FAM219A: variants seen among roughly 807,000 people sequenced by gnomAD.
FAM219A encodes the protein family with sequence similarity 219 member A, also known as protein FAM219A.
In FAM219A, 7 loss-of-function variants were observed where a neutral mutation model predicts 23.4. The ratio of observed to expected loss-of-function variants is 0.30; its 90% CI spans 0.17 to 0.56. The LOEUF (loss-of-function observed/expected upper bound fraction) is 0.56. Ranked by LOEUF, FAM219A falls within the 20% of genes least tolerant of loss-of-function variation. FAM219A has a pLI of 0.92. For synonymous variants in FAM219A, 93 were observed against 99.0 expected (o/e 0.94, Z 0.36); for missense variants, 166 against 246.9 (o/e 0.67, Z 2.20).
intron 5 of FAM219A, 91 bp from the exon 6 acceptor site, chr9:34,401,213 C>G (rs1588027409): frequency 1.4e-6 from 2 of 1,456,600 alleles, no homozygotes; most frequent in East Asian, 4.6e-5. Context: ...GCGCCCCAGT[C>G]CAGCCAGTGC....
intron 1 of FAM219A, among the ~76,000 whole-genome samples, chr9:34,456,151 C>T (rs1823722380): frequency 6.6e-6 from 1 of 152,152 alleles, no homozygotes; most frequent in African/African-American, 2.4e-5. Context: ...CAAGATCGTG[C>T]CACTGCACTC....
At chr9:34,419,068 C>T (rs1822148223) in intron 1 of FAM219A, among the ~76,000 whole-genome samples, 1 of 150,862 alleles carries the variant, frequency 6.6e-6, no homozygotes, top group African/African-American at 2.5e-5. Flanking sequence ...GAGCAAGACT[C>T]TGTCTCAAAC....
chr9:34,419,483 C>A (rs897042102), intron 1 of FAM219A, among the ~76,000 whole-genome samples: 3 of 152,068 alleles, frequency 2.0e-5, no homozygotes, highest in African/African-American at 7.2e-5. Flanking sequence ...CAGTTTCCTT[C>A]TAGAATGTGG....
At chr9:34,449,471 G>A (rs973853981) in intron 1 of FAM219A, among the ~76,000 whole-genome samples, 4 of 152,204 alleles carry the variant, frequency 2.6e-5, no homozygotes, top group Admixed American at 6.5e-5. Context: ...GTATTTGCCT[G>A]TGCACCTAAC....
intron 1 of FAM219A, among the ~76,000 whole-genome samples, chr9:34,426,059 C>T (rs1217759100): frequency 1.3e-5 from 2 of 152,168 alleles, no homozygotes; most frequent in Admixed American, 1.3e-4. Flanking sequence ...AACCTTGTGG[C>T]TGTCAGAGGG....
intron 1 of FAM219A, among the ~76,000 whole-genome samples, chr9:34,425,429 G>A (rs909074684): frequency 7.9e-5 from 12 of 152,246 alleles, no homozygotes; most frequent in South Asian, 2.1e-4. Context: ...GCAGTGAGCC[G>A]AGATCGTGCC....
At chr9:34,414,533 TAAAATA>T (rs1399997726) in intron 1 of FAM219A, among the ~76,000 whole-genome samples, 10 of 151,960 alleles carry the variant, frequency 6.6e-5, no homozygotes, top group Non-Finnish European at 1.2e-4. Flanking sequence ...TAAAATAAAA[TAAAATA>T]AAACAAAATA....
At chr9:34,422,718 T>C (rs1296688822) in intron 1 of FAM219A, among the ~76,000 whole-genome samples, 1 of 151,898 alleles carries the variant, frequency 6.6e-6, no homozygotes, top group Admixed American at 6.6e-5. Flanking sequence ...AGAAAGAAAA[T>C]GCGTTGGAAA....
intron 1 of FAM219A, among the ~76,000 whole-genome samples, chr9:34,449,003 A>AAAC (rs1287014142): frequency 6.8e-6 from 1 of 146,068 alleles, no homozygotes; most frequent in Non-Finnish European, 1.5e-5. Flanking sequence ...GGAAAAAAAA[A>AAAC]AAAAACCTCA....
At chr9:34,418,672 C>T (rs1822129136) in intron 1 of FAM219A, among the ~76,000 whole-genome samples, 1 of 152,184 alleles carries the variant, frequency 6.6e-6, no homozygotes, top group Admixed American at 6.5e-5. Flanking sequence ...TCTTTGAACC[C>T]CACATCACCC....
intron 1 of FAM219A, 53 bp from the exon 2 acceptor site, chr9:34,406,017 G>C: frequency 4.6e-6 from 7 of 1,515,836 alleles, no homozygotes; most frequent in Non-Finnish European, 6.3e-6. Context: ...AAGACAGGGG[G>C]CTGCTCTCAG....
Position 34,402,838 on chromosome 9 carries a change from C to T in FAM219A, c.161-31G>A, listed in dbSNP as rs564892254. On this transcript the variant is annotated intron_variant, in intron 2 of 5. Transcript: ENST00000651358. ...GGAGAACATGGGAAGGAAGCTGTGT[C>T]CTGCCCCTGAGGCCACCCTGTCTTA... The T allele has an allele frequency of 6.2e-6, 10 of 1,608,056 alleles. No homozygotes were observed. In the Admixed American group the frequency reaches 1.2e-4, roughly 19 times the overall value.
At chr9:34,413,405 TC>T (rs1821893861) in intron 1 of FAM219A, among the ~76,000 whole-genome samples, 1 of 152,064 alleles carries the variant, frequency 6.6e-6, no homozygotes, top group Non-Finnish European at 1.5e-5. Context: ...CATGATCCAG[TC>T]CCGAGGATGA....
At chr9:34,443,567 C>G (rs184166034) in intron 1 of FAM219A, among the ~76,000 whole-genome samples, 9 of 152,258 alleles carry the variant, frequency 5.9e-5, no homozygotes, top group Admixed American at 4.6e-4. Flanking sequence ...AACCCTTAGA[C>G]CAGAAATAAT....
intron 1 of FAM219A, among the ~76,000 whole-genome samples, chr9:34,433,169 T>A (rs1012395224): frequency 6.6e-6 from 1 of 152,256 alleles, no homozygotes; most frequent in South Asian, 2.1e-4. Flanking sequence ...GATTAATGTA[T>A]ACTTATTTTG....
At position 34,441,553 on chromosome 9, in the gene FAM219A, G is replaced by C. The variant is rs376556365; in HGVS notation, c.60+16651C>G. Among the ~76,000 whole-genome samples, 123 of 152,322 alleles carry C rather than the reference G, an allele frequency of 8.1e-4. 5 individuals are homozygous for C. In the South Asian group the frequency reaches 0.024, roughly 30 times the overall value. On this transcript the variant is annotated intron_variant, in intron 1 of 5. Coordinates refer to ENST00000651358, the MANE Select transcript of FAM219A (RefSeq NM_001184940.2). ...CAGGATAAGAGCAGTGGTGGAAGAA[G>C]CAGACCTAAAGGAGAGAGGGCCCGA...
chr9:34,401,688 G>C lies in FAM219A; in HGVS notation c.377C>G (p.Ser126Cys). The change falls in exon 5 of 6, where the codon TCC becomes TGC. Residue 126 changes from serine (S) to cysteine (C), a missense_variant. Around this residue, in one of 3 missense-constraint regions of FAM219A, gnomAD observed 72 missense variants for 131.0 expected, o/e 0.55. Transcript: ENST00000651358. Reference protein sequence around the residue: ...DDDFDMSRYSSSGYSSAEQIN... With the variant: ...DDDFDMSRYSCSGYSSAEQIN... ...CACCTCAGCAGAGGAGTAGCCGGAG[G>C]AGGAGTATCTAGACATGTCAAAGTC... 6.2e-7 allele frequency: 1 copy of C among 1,608,846 alleles called. No homozygotes were observed. Among genetic ancestry groups the C allele is most frequent in the Non-Finnish European group, 8.5e-7 (1 of 1,178,706 alleles).
intron 1 of FAM219A, 68 bp from the exon 2 acceptor site, chr9:34,406,032 G>A: frequency 6.9e-7 from 1 of 1,448,542 alleles, no homozygotes; most frequent in Non-Finnish European, 9.4e-7. Flanking sequence ...TCTCAGTCCT[G>A]AAGCTAGCCT....
At chr9:34,444,088 C>G (rs1008647184) in intron 1 of FAM219A, among the ~76,000 whole-genome samples, 12 of 152,308 alleles carry the variant, frequency 7.9e-5, no homozygotes, top group Non-Finnish European at 7.4e-5. Flanking sequence ...GTCCTCTAGG[C>G]CAGAGCTGGA....
Sources: gnomAD v4.1 joint callset for allele counts (sites outside exome capture counted in the v4.1 genomes callset) on GRCh38, gnomAD v4.1.1 for gene constraint, gnomAD v4.1.1 regional missense constraint, MANE v1.5 for transcripts, NCBI Gene and HGNC (gene_info 2026-07-23, HGNC 2026-07-21) for gene names.